The following SNX3 variants were observed in gnomAD, a reference collection of about 807,000 sequenced individuals.
SNX3 encodes sorting nexin-3.
SNX3 carries 5 observed loss-of-function variants against 17.7 expected under a neutral mutation model. The ratio of observed to expected loss-of-function variants is 0.28; its 90% confidence interval spans 0.15 to 0.59. The LOEUF (loss-of-function observed/expected upper bound fraction) is 0.59. Ranked by LOEUF, SNX3 falls within the 20% of genes least tolerant of loss-of-function variation. The pLI is 0.88. For missense variants in SNX3, 132 were observed against 206.8 expected (o/e 0.64, Z 2.22); for synonymous variants, 91 against 76.5 (o/e 1.19, Z -0.99).
chr6:108,254,479 G>A (rs989589526), intron 1 of SNX3, among the ~76,000 whole-genome samples: 2 of 151,978 alleles, frequency 1.3e-5, no homozygotes, highest in African/African-American at 2.4e-5. Flanking sequence ...ACAAAAGTAC[G>A]GGCTCTGAAG....
chr6:108,217,560 G>C (rs1287973346), intron 2 of SNX3, among the ~76,000 whole-genome samples: 3 of 152,046 alleles, frequency 2.0e-5, no homozygotes, highest in Non-Finnish European at 4.4e-5. Context: ...TTCAAGACCA[G>C]CCTGGCCAAC....
intron 1 of SNX3, among the ~76,000 whole-genome samples, chr6:108,251,505 T>C (rs1239606814): frequency 6.6e-6 from 1 of 152,284 alleles, no homozygotes. Context: ...GACTTCCTGG[T>C]TGTGTCCTTC....
intron 1 of SNX3, 135 bp downstream of exon 1, chr6:108,260,625 A>G: frequency 1.0e-6 from 1 of 981,166 alleles, no homozygotes; most frequent in African/African-American, 1.7e-5. Context: ...CTGGCTCACG[A>G]CCCCGGCCCG....
chr6:108,216,229 G>T (rs1774572442), intron 2 of SNX3, among the ~76,000 whole-genome samples: 1 of 151,934 alleles, frequency 6.6e-6, no homozygotes, highest in South Asian at 2.1e-4. Context: ...TACATAGCGT[G>T]CTACCACGCC....
chr6:108,250,069 G>T (rs1378919687), intron 1 of SNX3, among the ~76,000 whole-genome samples: 1 of 152,046 alleles, frequency 6.6e-6, no homozygotes, highest in East Asian at 1.9e-4. Flanking sequence ...CGCCACCACA[G>T]CTGGCTAATT....
At chr6:108,253,916 G>C (rs950821275) in intron 1 of SNX3, among the ~76,000 whole-genome samples, 1 of 152,068 alleles carries the variant, frequency 6.6e-6, no homozygotes, top group Non-Finnish European at 1.5e-5. Flanking sequence ...ACGAGGTCAG[G>C]AGATGGAGAC....
At chr6:108,214,451 T>C (rs764735478) in intron 3 of SNX3, 47 bp downstream of exon 3, 27 of 1,581,202 alleles carry the variant, frequency 1.7e-5, no homozygotes, top group Middle Eastern at 1.7e-4. Context: ...AAACTACAAG[T>C]AGTCACTTAA....
intron 2 of SNX3, chr6:108,222,414 C>T (rs898427232): frequency 1.6e-6 from 2 of 1,214,310 alleles, no homozygotes; most frequent in African/African-American, 1.6e-5. Context: ...AGGCATGTAA[C>T]AGTGTTTTTA....
At chr6:108,231,675 T>G (rs989161882) in intron 1 of SNX3, among the ~76,000 whole-genome samples, 2 of 152,250 alleles carry the variant, frequency 1.3e-5, no homozygotes, top group African/African-American at 4.8e-5. Flanking sequence ...TTAATTCCTT[T>G]TTCCTGAACC....
At chr6:108,244,646 A>ATTTT (rs1775626249) in intron 1 of SNX3, among the ~76,000 whole-genome samples, 1 of 119,234 alleles carries the variant, frequency 8.4e-6, no homozygotes, top group African/African-American at 3.3e-5. Flanking sequence ...ATAAGTAAGG[A>ATTTT]GTTTTTTTTT....
intron 1 of SNX3, among the ~76,000 whole-genome samples, chr6:108,229,088 C>G (rs796679628): frequency 8.6e-5 from 13 of 151,734 alleles, no homozygotes; most frequent in African/African-American, 3.1e-4. Flanking sequence ...AGTGAAACCC[C>G]ATCTCTACTA....
At chr6:108,220,335 A>C (rs945201016) in intron 2 of SNX3, among the ~76,000 whole-genome samples, 4 of 152,054 alleles carry the variant, frequency 2.6e-5, no homozygotes, top group Admixed American at 6.6e-5. Flanking sequence ...TGCCCTATAC[A>C]GGTGTACTAT....
At chr6:108,241,927 C>A (rs1467378954) in intron 1 of SNX3, among the ~76,000 whole-genome samples, 1 of 152,048 alleles carries the variant, frequency 6.6e-6, no homozygotes, top group Non-Finnish European at 1.5e-5. Context: ...TTAAAGGAAA[C>A]CATGCTTAAA....
At position 108,260,197 on chromosome 6, in the gene SNX3, T is replaced by C. The variant is rs143913636; in HGVS notation, c.162+563A>G. Among the ~76,000 whole-genome samples the C allele has an allele frequency of 5.9e-3, 901 of 152,310 alleles. 8 individuals are homozygous for C. Among genetic ancestry groups the C allele is most frequent in the South Asian group, 0.048 (234 of 4,830 alleles). On this transcript the variant is annotated intron_variant, in intron 1 of 3. Transcript: ENST00000230085. The stretch of plus-strand genomic sequence containing the variant: ...TGGCCCAAAATGCTGAAGTCAACCA[T>C]GTCCAATCACCCTTCTGGTCTGGCT...
chr6:108,240,431 C>A (rs1775480878), intron 1 of SNX3, among the ~76,000 whole-genome samples: 1 of 152,152 alleles, frequency 6.6e-6, no homozygotes, highest in South Asian at 2.1e-4. Context: ...GTTAGCAAGG[C>A]TGGTCTCAAA....
intron 1 of SNX3, among the ~76,000 whole-genome samples, chr6:108,243,978 T>A (rs890953844): frequency 1.3e-5 from 2 of 152,114 alleles, no homozygotes; most frequent in Non-Finnish European, 2.9e-5. Context: ...TTACATACCC[T>A]GCAAATACTC....
intron 1 of SNX3, among the ~76,000 whole-genome samples, chr6:108,260,419 T>A (rs577368148): frequency 5.5e-4 from 84 of 152,294 alleles, no homozygotes; most frequent in African/African-American, 1.9e-3. Context: ...TCTGTCAACA[T>A]CTCTTTCCCT....
chr6:108,214,879 C>T (rs1387949892), intron 2 of SNX3, among the ~76,000 whole-genome samples: 2 of 152,184 alleles, frequency 1.3e-5, no homozygotes, highest in Non-Finnish European at 2.9e-5. Flanking sequence ...TATCAAAGCC[C>T]AGGTATACAA....
At chr6:108,248,099 G>C (rs1345444644) in intron 1 of SNX3, among the ~76,000 whole-genome samples, 1 of 152,044 alleles carries the variant, frequency 6.6e-6, no homozygotes, top group Non-Finnish European at 1.5e-5. Flanking sequence ...TCAGATGCTG[G>C]CAGTGAAGCA....
Sources: gnomAD v4.1 joint callset for allele counts (sites outside exome capture counted in the v4.1 genomes callset) on GRCh38, gnomAD v4.1.1 for gene constraint, MANE v1.5 for transcripts, NCBI Gene and HGNC (gene_info 2026-07-23, HGNC 2026-07-21) for gene names.